The following NRXN1 variants were observed in gnomAD, a reference collection of about 807,000 sequenced individuals.
NRXN1 encodes neurexin-1.
NRXN1 carries 39 observed loss-of-function variants against 150.9 expected under a neutral mutation model. The observed-to-expected ratio is 0.26, with a 90% CI of 0.20 to 0.34. The LOEUF (loss-of-function observed/expected upper bound fraction) is 0.34. Among genes scored for constraint, NRXN1 ranks in the 10% least tolerant of loss-of-function variants. NRXN1 has a pLI of 1.00. For synonymous variants in NRXN1, 924 were observed against 757.0 expected (o/e 1.22, Z -3.62); for missense variants, 1,815 against 1,949.9 (o/e 0.93, Z 1.30).
chr2:50,233,479 G>C (rs1211973205), intron 18 of NRXN1, among the ~76,000 whole-genome samples: 1 of 151,922 alleles, frequency 6.6e-6, no homozygotes, highest in African/African-American at 2.4e-5. Flanking sequence ...AAAATTATAT[G>C]CCAATCAGAT....
intron 5 of NRXN1, among the ~76,000 whole-genome samples, chr2:50,850,551 T>C (rs1674369449): frequency 6.6e-6 from 1 of 152,168 alleles, no homozygotes; most frequent in Non-Finnish European, 1.5e-5. Flanking sequence ...CACCACGCTA[T>C]CAAATTCCGC....
chr2:50,001,344 A>G (rs1683889943), intron 21 of NRXN1, among the ~76,000 whole-genome samples: 1 of 152,152 alleles, frequency 6.6e-6, no homozygotes, highest in South Asian at 2.1e-4. Flanking sequence ...ACTGAAGTAC[A>G]AATTTTATGA....
chr2:49,935,598 G>A (rs1018154301), intron 22 of NRXN1, among the ~76,000 whole-genome samples: 1 of 152,218 alleles, frequency 6.6e-6, no homozygotes, highest in African/African-American at 2.4e-5. Context: ...AAAGCCAAAT[G>A]TAGCATTTGC....
intron 13 of NRXN1, among the ~76,000 whole-genome samples, chr2:50,500,709 C>A (rs184298076): frequency 6.6e-6 from 1 of 152,302 alleles, no homozygotes; most frequent in African/African-American, 2.4e-5. Context: ...AAGACAACAA[C>A]CAAAACATGT....
chr2:50,396,793 TCAAAG>T (rs1375268028), intron 17 of NRXN1, among the ~76,000 whole-genome samples: 3 of 152,278 alleles, frequency 2.0e-5, no homozygotes, highest in Admixed American at 6.5e-5. Context: ...AGATGATTTC[TCAAAG>T]AAAAGAGGAA....
intron 5 of NRXN1, among the ~76,000 whole-genome samples, chr2:50,835,781 T>G (rs1672021122): frequency 6.6e-6 from 1 of 152,204 alleles, no homozygotes; most frequent in Non-Finnish European, 1.5e-5. Flanking sequence ...GAAGCAGGGT[T>G]GATACCTGAC....
intron 17 of NRXN1, among the ~76,000 whole-genome samples, chr2:50,392,838 G>C (rs1325053619): frequency 6.6e-6 from 1 of 152,042 alleles, no homozygotes; most frequent in Non-Finnish European, 1.5e-5. Context: ...AGCAAAATGA[G>C]CTTGGTACAG....
chr2:50,300,808 G>T (rs1480365827), intron 17 of NRXN1, among the ~76,000 whole-genome samples: 4 of 152,128 alleles, frequency 2.6e-5, no homozygotes, highest in Non-Finnish European at 5.9e-5. Context: ...CGATTATCCT[G>T]CCTCAGCCTC....
rs568409079 is a variant in NRXN1, at chr2:50,983,322, TA to T, written c.772+44179del. 2.0e-5 allele frequency among the ~76,000 whole-genome samples: 3 copies of T among 152,232 alleles called. No homozygotes were observed. The South Asian group carries it at 6.2e-4, about 32-fold the overall frequency. ...TTTCTCCTCGATAGAAAAATCAATT[TA>T]TTTCCTTTTCTAAGGCCACTGCGAG... is the stretch of plus-strand genomic sequence containing the variant. On this transcript the variant is annotated intron_variant, in intron 2 of 22. Coordinates refer to ENST00000401669, the MANE Select transcript of NRXN1 (RefSeq NM_001330078.2).
chr2:50,276,099 T>A (rs1395197224), intron 17 of NRXN1, among the ~76,000 whole-genome samples: 3 of 151,526 alleles, frequency 2.0e-5, no homozygotes, highest in South Asian at 4.2e-4. Flanking sequence ...AAGCAGGGCT[T>A]ACTCAACCAT....
intron 18 of NRXN1, among the ~76,000 whole-genome samples, chr2:50,157,359 A>C (rs1465515566): frequency 1.3e-5 from 2 of 152,100 alleles, no homozygotes; most frequent in Non-Finnish European, 2.9e-5. Flanking sequence ...ATGTAAAGAC[A>C]GAATATAAAA....
chr2:51,016,987 A>G (rs998036484), intron 2 of NRXN1, among the ~76,000 whole-genome samples: 13 of 152,130 alleles, frequency 8.5e-5, no homozygotes, highest in Non-Finnish European at 1.8e-4. Flanking sequence ...CATTGTTCTC[A>G]GCAAAATAAC....
At chr2:50,491,416 T>A (rs2091245401) in intron 15 of NRXN1, among the ~76,000 whole-genome samples, 1 of 152,214 alleles carries the variant, frequency 6.6e-6, no homozygotes. Flanking sequence ...CCTGTTGAGT[T>A]GTTTCTGATT....
intron 17 of NRXN1, among the ~76,000 whole-genome samples, chr2:50,380,361 C>T (rs768101793): frequency 1.1e-4 from 16 of 151,844 alleles, no homozygotes; most frequent in Non-Finnish European, 1.8e-4. Context: ...TACTATATAA[C>T]ATATCATGAC....
At chr2:50,906,430 G>C (rs1558398901) in intron 5 of NRXN1, among the ~76,000 whole-genome samples, 1 of 152,008 alleles carries the variant, frequency 6.6e-6, no homozygotes, top group Non-Finnish European at 1.5e-5. Flanking sequence ...CAAACCCATA[G>C]ACCCTAACTC....
rs574358206 is a variant in NRXN1, at chr2:50,685,030, T to C, written c.833-61415A>G. 1.2e-3 allele frequency among the ~76,000 whole-genome samples: 187 copies of C among 152,350 alleles called. 1 individual carries two copies. The highest frequency in any genetic ancestry group is 2.2e-3 in the Non-Finnish European group (150 of 68,028). On this transcript the variant is annotated intron_variant, in intron 5 of 22. Coordinates refer to ENST00000401669, the MANE Select transcript of NRXN1 (RefSeq NM_001330078.2). ...AAATGGAATATTCAGTTGTTTTTCA[T>C]AATATGACTTTCCAAACATTATTAT... is the stretch of plus-strand genomic sequence containing the variant.
intron 21 of NRXN1, among the ~76,000 whole-genome samples, chr2:49,978,979 A>G (rs1015392412): frequency 6.6e-6 from 1 of 152,174 alleles, no homozygotes; most frequent in Non-Finnish European, 1.5e-5. Context: ...TTCAAAAATC[A>G]TCATAGATAA....
intron 19 of NRXN1, among the ~76,000 whole-genome samples, chr2:50,089,323 C>A (rs2152694307): frequency 1.3e-5 from 2 of 152,340 alleles, no homozygotes; most frequent in Non-Finnish European, 2.9e-5. Flanking sequence ...CTGTTCACAG[C>A]TGACAACATC....
chr2:50,132,670 T>G (rs950119070), intron 18 of NRXN1, among the ~76,000 whole-genome samples: 1 of 152,094 alleles, frequency 6.6e-6, no homozygotes, highest in Non-Finnish European at 1.5e-5. Flanking sequence ...CAAGACTTCT[T>G]GGCCATGTAT....
Sources: allele counts gnomAD v4.1 joint callset (sites outside exome capture counted in the v4.1 genomes callset), GRCh38; gene constraint gnomAD v4.1.1; transcripts MANE v1.5; gene names NCBI Gene and HGNC (gene_info 2026-07-23, HGNC 2026-07-21).